Variants in THSD7B observed in about 807,000 individuals in gnomAD.
THSD7B encodes the protein thrombospondin type 1 domain containing 7B.
Under a neutral mutation model 213.6 loss-of-function variants are expected in THSD7B, and 138 were observed. The ratio of observed to expected loss-of-function variants is 0.65; its 90% confidence interval spans 0.56 to 0.74. The LOEUF (loss-of-function observed/expected upper bound fraction) is 0.74, where lower values mean the gene tolerates loss of function less well. Ranked by LOEUF, THSD7B falls within the 30% of genes least tolerant of loss-of-function variation. THSD7B has a pLI of 0.00. For missense variants in THSD7B, 1,931 were observed against 1,991.5 expected, an observed-to-expected ratio of 0.97 and a Z score of 0.58; for synonymous variants, 742 against 687.0, an observed-to-expected ratio of 1.08 and a Z score of -1.25.
chr2:137,417,437 TA>T (rs1686823261), intron 14 of THSD7B, among the ~76,000 whole-genome samples: 2 of 152,154 alleles, frequency 1.3e-5, no homozygotes, highest in Admixed American at 6.6e-5. Context: ...CATTTTATTT[TA>T]TTTTATTTTA....
intron 6 of THSD7B, among the ~76,000 whole-genome samples, chr2:137,162,464 G>A (rs1391465274): frequency 6.6e-6 from 1 of 152,086 alleles, no homozygotes; most frequent in Non-Finnish European, 1.5e-5. Context: ...GATCAGGAGA[G>A]GGACAGTTCC....
At chr2:137,617,964 A>G (rs1016682143) in intron 18 of THSD7B, among the ~76,000 whole-genome samples, 4 of 152,192 alleles carry the variant, frequency 2.6e-5, no homozygotes, top group African/African-American at 7.2e-5. Context: ...CTAGAGGGTT[A>G]GGATTTAAAT....
chr2:137,287,610 G>A (rs2104828075), intron 12 of THSD7B, among the ~76,000 whole-genome samples: 1 of 152,258 alleles, frequency 6.6e-6, no homozygotes, highest in Non-Finnish European at 1.5e-5. Context: ...TAGTAACACA[G>A]TATGAACTAA....
At chr2:137,396,877 G>C (rs536671865) in intron 12 of THSD7B, among the ~76,000 whole-genome samples, 1 of 151,424 alleles carries the variant, frequency 6.6e-6, no homozygotes, top group Non-Finnish European at 1.5e-5. Flanking sequence ...ATTTAGGATA[G>C]TTAGCTCTTC....
chr2:136,933,108 A>ATTCCTTCCTTCC (rs56042301), intron 2 of THSD7B, among the ~76,000 whole-genome samples: 12,054 of 129,766 alleles, frequency 0.093, 780 homozygotes, highest in African/African-American at 0.1. Context: ...TTTGCCCGCC[A>ATTCCTTCCTTCC]TTCCTTCCTT....
intron 15 of THSD7B, among the ~76,000 whole-genome samples, chr2:137,540,877 A>G (rs1280505356): frequency 5.3e-5 from 8 of 151,738 alleles, no homozygotes; most frequent in Non-Finnish European, 1.2e-4. Flanking sequence ...CTGGGAATTA[A>G]AAGAGCATGC....
chr2:136,819,785 A>G (rs892496479), intron 1 of THSD7B, among the ~76,000 whole-genome samples: 1 of 152,078 alleles, frequency 6.6e-6, no homozygotes, highest in African/African-American at 2.4e-5. Flanking sequence ...TCTTCATTTT[A>G]GAAGTGTAGG....
chr2:137,204,090 G>A (rs1339616185), intron 7 of THSD7B, among the ~76,000 whole-genome samples: 1 of 152,090 alleles, frequency 6.6e-6, no homozygotes, highest in Non-Finnish European at 1.5e-5. Flanking sequence ...AATTGGAATA[G>A]AATGATAGGC....
chr2:137,351,962 A>AT (rs554146479), intron 12 of THSD7B, among the ~76,000 whole-genome samples: 10 of 151,646 alleles, frequency 6.6e-5, no homozygotes, highest in South Asian at 2.1e-4. Flanking sequence ...TTTTTTTGCA[A>AT]TTTTTTTTAG....
At chr2:137,076,817 G>GTT (rs922361267) in intron 3 of THSD7B, among the ~76,000 whole-genome samples, 1 of 150,968 alleles carries the variant, frequency 6.6e-6, no homozygotes, top group South Asian at 2.1e-4. Flanking sequence ...TTGTTTATTT[G>GTT]TTTTTTTTTA....
At chr2:137,622,144 T>A (rs1347217591) in intron 20 of THSD7B, among the ~76,000 whole-genome samples, 1 of 152,166 alleles carries the variant, frequency 6.6e-6, no homozygotes, top group Non-Finnish European at 1.5e-5. Context: ...GATCAAATTT[T>A]AATCTCAGTT....
intron 2 of THSD7B, among the ~76,000 whole-genome samples, chr2:136,999,900 G>A (rs1309965086): frequency 6.6e-6 from 1 of 152,164 alleles, no homozygotes; most frequent in East Asian, 1.9e-4. Context: ...TTTGGAAATG[G>A]ATGGAGAGCA....
chr2:137,378,934 A>G (rs1323214564), intron 12 of THSD7B, among the ~76,000 whole-genome samples: 1 of 152,064 alleles, frequency 6.6e-6, no homozygotes, highest in African/African-American at 2.4e-5. Context: ...CTAATTTATG[A>G]ATTGTTTGTG....
chr2:137,516,847 G>T (rs1362175406), intron 15 of THSD7B, among the ~76,000 whole-genome samples: 1 of 152,156 alleles, frequency 6.6e-6, no homozygotes, highest in African/African-American at 2.4e-5. Flanking sequence ...AAACAATATT[G>T]TTTCTCCAAG....
At chr2:137,216,496 G>A (rs1439988338) in intron 7 of THSD7B, among the ~76,000 whole-genome samples, 2 of 151,998 alleles carry the variant, frequency 1.3e-5, no homozygotes, top group African/African-American at 4.8e-5. Flanking sequence ...ATGAATAAGG[G>A]AAATGGAACA....
rs532103982 is a variant in THSD7B at position 136,829,171 on chromosome 2, C to A, written c.-35-52973C>A. 4.8e-4 allele frequency among the ~76,000 whole-genome samples: 24 copies of A among 50,298 alleles called. No homozygotes were observed. The South Asian group carries it at 0.022, about 47-fold the overall frequency. 33.0% of individuals were successfully genotyped at this position (50,298 alleles called of 152,430 possible). A position where few individuals can be genotyped will look rare whatever the true frequency, so the allele number is the denominator to read the frequency against. ...ATTTCTGTGAGGAGAAGGAGCATAT[C>A]TAATTCTTAAAAAAAAAAAAGTCCT... On this transcript the variant is annotated intron_variant, in intron 1 of 27. Transcript: ENST00000409968.
At chr2:137,484,246 C>A (rs1471380558) in intron 15 of THSD7B, among the ~76,000 whole-genome samples, 1 of 150,070 alleles carries the variant, frequency 6.7e-6, no homozygotes, top group Admixed American at 6.7e-5. Flanking sequence ...GTTCAATTCC[C>A]AACTATGAGT....
chr2:137,308,743 A>T (rs1349977885), intron 12 of THSD7B, among the ~76,000 whole-genome samples: 2 of 152,168 alleles, frequency 1.3e-5, no homozygotes, highest in African/African-American at 4.8e-5. Context: ...ACCAACCTAA[A>T]GAAACCACTA....
At chr2:137,597,977 A>G (rs1681995299) in intron 17 of THSD7B, among the ~76,000 whole-genome samples, 1 of 152,108 alleles carries the variant, frequency 6.6e-6, no homozygotes, top group Non-Finnish European at 1.5e-5. Flanking sequence ...TAGAAGACAT[A>G]AAAGCCCCCA....
Sources: allele counts gnomAD v4.1 joint callset (sites outside exome capture counted in the v4.1 genomes callset), GRCh38; gene constraint gnomAD v4.1.1; transcripts MANE v1.5; gene names NCBI Gene and HGNC (gene_info 2026-07-23, HGNC 2026-07-21).